Variants in BCAS3 observed in about 807,000 individuals in gnomAD.
BCAS3 encodes the protein BCAS4/BCAS3 fusion.
In BCAS3, 53 loss-of-function variants were observed where a neutral mutation model predicts 116.1. The ratio of observed to expected loss-of-function variants is 0.46; its 90% CI spans 0.37 to 0.57. The LOEUF (loss-of-function observed/expected upper bound fraction) is 0.57. Among genes scored for constraint, BCAS3 ranks in the 20% least tolerant of loss-of-function variants. The pLI is 0.00. For missense variants in BCAS3, 917 were observed against 1,165.4 expected, an observed-to-expected ratio of 0.79 and a Z score of 3.10; for synonymous variants, 391 against 408.2, an observed-to-expected ratio of 0.96 and a Z score of 0.51.
intron 22 of BCAS3, among the ~76,000 whole-genome samples, chr17:61,338,520 C>A (rs939246396): frequency 2.6e-5 from 4 of 151,758 alleles, no homozygotes; most frequent in African/African-American, 9.7e-5. Context: ...TTGGATTCTT[C>A]CATATGGAAG....
chr17:61,230,959 C>CTTTTTTTTTTT (rs763299746), intron 22 of BCAS3, among the ~76,000 whole-genome samples: 1 of 121,846 alleles, frequency 8.2e-6, no homozygotes, highest in Non-Finnish European at 1.7e-5. Context: ...TAGTTTTTGC[C>CTTTTTTTTTTT]TTTTTTTTTT....
At chr17:61,075,118 T>C (rs1158103576) in intron 20 of BCAS3, 98 bp downstream of exon 20, 2 of 884,738 alleles carry the variant, frequency 2.3e-6, no homozygotes, top group Non-Finnish European at 3.5e-6. Flanking sequence ...AATTGGTAAC[T>C]CTTTATTGGA....
intron 22 of BCAS3, among the ~76,000 whole-genome samples, chr17:61,153,233 A>G (rs966471334): frequency 1.3e-5 from 2 of 152,246 alleles, no homozygotes; most frequent in Non-Finnish European, 2.9e-5. Context: ...CCATAATACA[A>G]TGTTGTAGGA....
chr17:61,264,009 C>A (rs540933124), intron 22 of BCAS3, among the ~76,000 whole-genome samples: 1 of 152,282 alleles, frequency 6.6e-6, no homozygotes, highest in South Asian at 2.1e-4. Flanking sequence ...ATAATCCTAT[C>A]AGCGGGTAAT....
At chr17:60,815,415 C>T (rs1402569326) in intron 7 of BCAS3, among the ~76,000 whole-genome samples, 1 of 151,192 alleles carries the variant, frequency 6.6e-6, no homozygotes, top group Non-Finnish European at 1.5e-5. Context: ...GCACGTTGTG[C>T]ACATGTACCC....
chr17:60,814,313 G>GCA (rs59479531), intron 7 of BCAS3, among the ~76,000 whole-genome samples: 1 of 149,858 alleles, frequency 6.7e-6, no homozygotes, highest in Admixed American at 6.6e-5. Context: ...GTGTGCGCGC[G>GCA]TGCCCATTGC....
intron 5 of BCAS3, chr17:60,720,119 A>C (rs2039072442): frequency 6.6e-6 from 1 of 151,970 alleles, no homozygotes; most frequent in African/African-American, 2.4e-5. Context: ...TATCTGTTTA[A>C]ATGGCAACTT....
intron 22 of BCAS3, among the ~76,000 whole-genome samples, chr17:61,193,175 T>C (rs1245730825): frequency 6.6e-6 from 1 of 151,870 alleles, no homozygotes; most frequent in African/African-American, 2.4e-5. Context: ...GGCAAGAGAA[T>C]CACTTGAACC....
Position 60,803,796 on chromosome 17 carries a change from A to ATTTT in BCAS3, c.404-4189_404-4186dup, listed in dbSNP as rs11384999. 1.1e-3 allele frequency among the ~76,000 whole-genome samples: 99 copies of ATTTT among 89,318 alleles called. 1 individual carries two copies. Among genetic ancestry groups the ATTTT allele is most frequent in the Non-Finnish European group, 1.5e-3 (76 of 50,530 alleles). The allele number at this position is 89,318 out of a possible 152,430, so 58.6% of individuals were successfully genotyped here. A position where few individuals can be genotyped will look rare whatever the true frequency, so the allele number is the denominator to read the frequency against. On this transcript the variant is annotated intron_variant, in intron 6 of 23. Coordinates refer to ENST00000407086, the MANE Select transcript of BCAS3 (RefSeq NM_017679.5). ...TTCCCTCTCATAAGTAACTATTACGATTTTTTTTTTTTTTTTTTTTTTGAG... is the reference window on the plus strand; with the variant it reads ...TTCCCTCTCATAAGTAACTATTACGATTTTTTTTTTTTTTTTTTTTTTTTTTGAG...
chr17:60,892,139 T>C (rs549127721), intron 10 of BCAS3, among the ~76,000 whole-genome samples: 22 of 152,304 alleles, frequency 1.4e-4, no homozygotes, highest in Middle Eastern at 3.4e-3. Flanking sequence ...TTTAAATTAA[T>C]GATTTCTTTT....
chr17:61,197,340 C>A (rs568838479), intron 22 of BCAS3, among the ~76,000 whole-genome samples: 1 of 152,116 alleles, frequency 6.6e-6, no homozygotes, highest in East Asian at 1.9e-4. Context: ...TCCAGTCTTA[C>A]GTTTGCTTAA....
At chr17:61,166,383 C>A (rs1338399540) in intron 22 of BCAS3, among the ~76,000 whole-genome samples, 1 of 75,598 alleles carries the variant, frequency 1.3e-5, no homozygotes, top group African/African-American at 3.9e-5. Context: ...TACTCTCTCT[C>A]TCTCTCTCTT....
At chr17:60,938,313 G>T (rs1248575686) in intron 13 of BCAS3, among the ~76,000 whole-genome samples, 1 of 152,182 alleles carries the variant, frequency 6.6e-6, no homozygotes, top group Non-Finnish European at 1.5e-5. Flanking sequence ...CACCAAGAAA[G>T]GGTTTTTAGG....
intron 22 of BCAS3, among the ~76,000 whole-genome samples, chr17:61,303,288 G>A (rs1019144944): frequency 2.6e-5 from 4 of 152,206 alleles, no homozygotes; most frequent in African/African-American, 9.6e-5. Context: ...GAATAAAATA[G>A]TCCCTCATCT....
At chr17:61,138,936 A>C (rs2076784185) in intron 22 of BCAS3, among the ~76,000 whole-genome samples, 3 of 152,178 alleles carry the variant, frequency 2.0e-5, no homozygotes, top group African/African-American at 4.8e-5. Flanking sequence ...TCAGCAGTAC[A>C]TTCTTAAAAA....
chr17:60,947,388 G>A (rs1444279098), intron 14 of BCAS3, 36 bp downstream of exon 14: 4 of 1,590,634 alleles, frequency 2.5e-6, no homozygotes, highest in South Asian at 1.1e-5. Flanking sequence ...CGATTTCTTG[G>A]TGTAATATGA....
chr17:61,245,642 C>T (rs1298418009), intron 22 of BCAS3, among the ~76,000 whole-genome samples: 1 of 152,098 alleles, frequency 6.6e-6, no homozygotes, highest in Non-Finnish European at 1.5e-5. Context: ...TGTATATGTT[C>T]AAATCAAAGT....
chr17:61,089,327 T>C (rs1435353307), intron 22 of BCAS3, among the ~76,000 whole-genome samples: 1 of 151,988 alleles, frequency 6.6e-6, no homozygotes, highest in Non-Finnish European at 1.5e-5. Flanking sequence ...TACTCATTAA[T>C]AGAGAAGTGT....
In BCAS3 at chr17:61,034,918, G is replaced by A. The variant is rs2066901119; in HGVS notation, c.1762+128G>A. ...GAAACCAATTTTTTTAATGTAATTA[G>A]CATGTCACTTCTCAACTACTCAAGC... On this transcript the variant is annotated intron_variant, in intron 17 of 23. Coordinates refer to ENST00000407086, the MANE Select transcript of BCAS3 (RefSeq NM_017679.5). This position sits in a 1 kb window ranked among gnomAD's most constrained non-coding sequence, Gnocchi z 5.0. The A allele has an allele frequency of 1.2e-6, 1 of 812,862 alleles. No individual in the cohort carries two copies. The allele number at this position is 812,862 out of a possible 1,614,324, so 50.4% of individuals were successfully genotyped here.
Sources: gnomAD v4.1 joint callset for allele counts (sites outside exome capture counted in the v4.1 genomes callset) on GRCh38, gnomAD v4.1.1 for gene constraint, Gnocchi (gnomAD v3.1) non-coding constraint, MANE v1.5 for transcripts, NCBI Gene and HGNC (gene_info 2026-07-23, HGNC 2026-07-21) for gene names.